The following ADGB variants were observed in gnomAD, a reference collection of about 807,000 sequenced individuals.
The protein encoded by ADGB is calpain-7-like protein.
ADGB carries 172 observed loss-of-function variants against 210.5 expected under a neutral mutation model. The ratio of observed to expected loss-of-function variants is 0.82; its 90% CI spans 0.72 to 0.93. ADGB has a LOEUF of 0.93. ADGB is among the 40% of genes least tolerant of loss of function. ADGB has a pLI of 0.00. For synonymous variants in ADGB, 658 were observed against 662.7 expected (o/e 0.99, Z 0.11); for missense variants, 2,025 against 1,964.8 (o/e 1.03, Z -0.58).
At chr6:146,649,797 G>T (rs1158220449) in intron 3 of ADGB, among the ~76,000 whole-genome samples, 2 of 151,926 alleles carry the variant, frequency 1.3e-5, no homozygotes, top group Non-Finnish European at 2.9e-5. Flanking sequence ...TGGCTTTATT[G>T]TACTAATAAT....
intron 1 of ADGB, among the ~76,000 whole-genome samples, chr6:146,627,315 T>TA (rs1453056017): frequency 2.6e-5 from 4 of 152,176 alleles, no homozygotes; most frequent in Non-Finnish European, 5.9e-5. Context: ...CTTATTTTTT[T>TA]ATGCCTGGTA....
chr6:146,602,917 A>T (rs928124755), intron 1 of ADGB, among the ~76,000 whole-genome samples: 2 of 152,244 alleles, frequency 1.3e-5, no homozygotes, highest in African/African-American at 4.8e-5. Context: ...TGTCTTCCAC[A>T]AAACTGGTCC....
intron 26 of ADGB, among the ~76,000 whole-genome samples, chr6:146,747,809 C>A (rs1157287579): frequency 1.6e-4 from 24 of 146,040 alleles, no homozygotes; most frequent in Non-Finnish European, 7.5e-5. Flanking sequence ...GACAGAGTCT[C>A]ACTCTGTCAC....
intron 29 of ADGB, among the ~76,000 whole-genome samples, chr6:146,777,535 G>A (rs1482858789): frequency 6.6e-6 from 1 of 152,062 alleles, no homozygotes; most frequent in African/African-American, 2.4e-5. Context: ...GCACCATCTG[G>A]AAACTTGTGA....
intron 12 of ADGB, among the ~76,000 whole-genome samples, chr6:146,696,979 C>T (rs1029229793): frequency 2.0e-5 from 3 of 151,938 alleles, no homozygotes; most frequent in Non-Finnish European, 2.9e-5. Context: ...TGAATATTTT[C>T]GGTTATTACC....
intron 13 of ADGB, among the ~76,000 whole-genome samples, chr6:146,705,268 T>G (rs1281516575): frequency 6.6e-6 from 1 of 152,084 alleles, no homozygotes; most frequent in African/African-American, 2.4e-5. Flanking sequence ...CCAATTTGAG[T>G]GCCTTTTCTT....
At chr6:146,739,634 C>T (rs932045285) in intron 23 of ADGB, among the ~76,000 whole-genome samples, 1 of 152,144 alleles carries the variant, frequency 6.6e-6, no homozygotes, top group Middle Eastern at 3.2e-3. Context: ...CACTGACAAT[C>T]GATGAAAACA....
chr6:146,804,984 G>A (rs189443468), intron 35 of ADGB, among the ~76,000 whole-genome samples: 23 of 152,282 alleles, frequency 1.5e-4, no homozygotes, highest in Non-Finnish European at 1.3e-4. Context: ...AGAAAAATAA[G>A]CAATAAGCCA....
intron 5 of ADGB, among the ~76,000 whole-genome samples, chr6:146,661,811 C>T (rs1775864900): frequency 6.6e-6 from 1 of 152,048 alleles, no homozygotes; most frequent in Admixed American, 6.6e-5. Flanking sequence ...ATTATCTTAT[C>T]TTTCCTTTAT....
chr6:146,788,354 C>T, intron 32 of ADGB, 35 bp from the exon 33 acceptor site: 4 of 1,535,506 alleles, frequency 2.6e-6, no homozygotes, highest in Non-Finnish European at 3.5e-6. Flanking sequence ...TCATGGAACG[C>T]CAGCTTTTTC....
chr6:146,701,031 C>G lies in ADGB; in HGVS notation c.1668C>G (p.Ser556Arg), dbSNP rs575012400. 2.6e-6 allele frequency: 4 copies of G among 1,550,898 alleles called. No homozygotes were observed. The African/African-American group carries it at 5.5e-5, about 21-fold the overall frequency. Residue 556 changes from serine (S) to arginine (R), a missense_variant, in exon 13 of 36, where the codon AGC (serine) becomes AGG (arginine). Transcript: ENST00000397944. ...AAACTGATGAAACTGCAACACATAG[C>G]CAGACAGACTTGAGTCAAATAACAA... is the stretch of plus-strand genomic sequence containing the variant. ...VSETDETATH[S>R]QTDLSQITKA...
chr6:146,647,601 A>T (rs532290370), intron 3 of ADGB, among the ~76,000 whole-genome samples: 2 of 152,222 alleles, frequency 1.3e-5, no homozygotes, highest in Non-Finnish European at 2.9e-5. Context: ...TTGGGAAAAC[A>T]TTGTGTTTAT....
At chr6:146,811,740 C>G (rs1197706199) in intron 35 of ADGB, among the ~76,000 whole-genome samples, 1 of 152,100 alleles carries the variant, frequency 6.6e-6, no homozygotes, top group East Asian at 1.9e-4. Flanking sequence ...GGTGTGACCT[C>G]AGCTCACTGC....
Position 146,767,072 on chromosome 6 carries a change from A to G in ADGB, c.3751-1948A>G, listed in dbSNP as rs554088199. Among the ~76,000 whole-genome samples the G allele has an allele frequency of 3.3e-5, 5 of 152,330 alleles. No homozygotes were observed. In the South Asian group the frequency reaches 8.3e-4, roughly 25 times the overall value. On this transcript the variant is annotated intron_variant, in intron 28 of 35. Transcript: ENST00000397944. ...AGAGAACTTCTTCATCATAAATGTT[A>G]CATGCCAAAAATTTTACACTTAATG...
intron 7 of ADGB, among the ~76,000 whole-genome samples, chr6:146,667,270 C>A (rs1396938989): frequency 6.6e-6 from 1 of 151,952 alleles, no homozygotes; most frequent in Non-Finnish European, 1.5e-5. Context: ...TGAGCCTCTA[C>A]AGGTGGCAAC....
chr6:146,661,984 C>A (rs561201628), intron 5 of ADGB, among the ~76,000 whole-genome samples: 1 of 152,094 alleles, frequency 6.6e-6, no homozygotes, highest in East Asian at 1.9e-4. Flanking sequence ...ATTCTTCTGG[C>A]CTCCCTGGCT....
At chr6:146,618,342 AT>A (rs1780834699) in intron 1 of ADGB, among the ~76,000 whole-genome samples, 1 of 148,688 alleles carries the variant, frequency 6.7e-6, no homozygotes, top group African/African-American at 2.5e-5. Flanking sequence ...TATTTTGTGG[AT>A]TTTTTGTATA....
intron 15 of ADGB, 45 bp from the exon 16 acceptor site, chr6:146,717,491 T>A: frequency 9.2e-7 from 1 of 1,090,290 alleles, no homozygotes. Context: ...AGTACTAGTC[T>A]TTGCCTATAA....
intron 29 of ADGB, among the ~76,000 whole-genome samples, chr6:146,771,902 A>G (rs1468907863): frequency 6.6e-6 from 1 of 152,196 alleles, no homozygotes; most frequent in African/African-American, 2.4e-5. Flanking sequence ...ATTTCAATGG[A>G]TCAGAGAATG....
Sources: gnomAD v4.1 joint callset for allele counts (sites outside exome capture counted in the v4.1 genomes callset) on GRCh38, gnomAD v4.1.1 for gene constraint, MANE v1.5 for transcripts, NCBI Gene and HGNC (gene_info 2026-07-23, HGNC 2026-07-21) for gene names.